Variants in NCAN observed in about 807,000 individuals in gnomAD.
NCAN encodes neurocan, also known as neurocan core protein.
In NCAN, 47 loss-of-function variants were observed where a neutral mutation model predicts 121.8. The ratio of observed to expected loss-of-function variants is 0.39; its 90% CI spans 0.31 to 0.49. The LOEUF (loss-of-function observed/expected upper bound fraction) is 0.49, where lower values mean the gene tolerates loss of function less well. NCAN is among the 20% of genes least tolerant of loss of function. The probability of loss-of-function intolerance (pLI) is 0.92; values close to 1 mark genes in which losing one functional copy is unlikely to be tolerated. For synonymous variants in NCAN, 633 were observed against 702.0 expected (o/e 0.90, Z 1.55); for missense variants, 1,517 against 1,773.4 (o/e 0.86, Z 2.60).
Position 19,219,059 on chromosome 19 carries a change from C to G in NCAN, c.218C>G (p.Ala73Gly). Residue 73 changes from alanine (A) to glycine (G), a missense_variant, in exon 3 of 15, where the codon GCC becomes GGC. Physicochemically the swap from Ala to Gly is moderately conservative, Grantham distance 60. Transcript: ENST00000252575. Reference sequence around the variant, plus strand: ...CCACGGCCAAGCGCAGCCCGAGATGCCCCTCGGATAAAGTGGACCAAGGTG... The same window carrying G: ...CCACGGCCAAGCGCAGCCCGAGATGGCCCTCGGATAAAGTGGACCAAGGTG... ...LQPRPSAARD[A>G]PRIKWTKVRT... 6.2e-7 allele frequency: 1 copy of G among 1,611,970 alleles called. No individual in the cohort carries two copies. The highest frequency in any genetic ancestry group is 8.5e-7 in the Non-Finnish European group (1 of 1,178,890).
At chr19:19,237,502 T>A (rs2313915) in intron 10 of NCAN, among the ~76,000 whole-genome samples, 139,643 of 150,342 alleles carry the variant, frequency 0.93, 64,856 homozygotes, top group African/African-American at 0.96. Flanking sequence ...AAAAAAAAAA[T>A]TTTATATATA....
intron 2 of NCAN, among the ~76,000 whole-genome samples, chr19:19,218,034 T>G (rs1368444336): frequency 1.5e-4 from 22 of 150,710 alleles, no homozygotes; most frequent in Admixed American, 1.5e-3. Context: ...ATCCCAGAAC[T>G]GTGGGAGGCC....
In NCAN at chr19:19,220,351, G is replaced by GT. The variant is rs1333313190; in HGVS notation, c.475+1042dup. On this transcript the variant is annotated intron_variant, in intron 3 of 14. Coordinates refer to ENST00000252575, the MANE Select transcript of NCAN (RefSeq NM_004386.3). ...AAAATTCCTTGTAAAATAAACTTAA[G>GT]TTTTTTTCTAAGTGAGGCAATTTTT... Among the ~76,000 whole-genome samples the GT allele has an allele frequency of 2.0e-5, 3 of 146,682 alleles. No homozygotes were observed. In the South Asian group the frequency reaches 6.6e-4, roughly 32 times the overall value.
At chr19:19,223,982 T>C in intron 3 of NCAN, 39 bp from the exon 4 acceptor site, 1 of 1,491,280 alleles carries the variant, frequency 6.7e-7, no homozygotes, top group Non-Finnish European at 9.0e-7. Context: ...GATTCCAGCA[T>C]AAGTCAACTG....
At chr19:19,246,832 G>A (rs1039260107) in intron 13 of NCAN, among the ~76,000 whole-genome samples, 6 of 152,196 alleles carry the variant, frequency 3.9e-5, no homozygotes, top group East Asian at 1.9e-4. Context: ...GTGAGCCACC[G>A]TGTCTGGCCT....
Position 19,219,113 on chromosome 19 carries a change from T to C in NCAN, c.272T>C (p.Leu91Ser). The stretch of plus-strand genomic sequence containing the variant: ...ACTGCGTCGGGCCAGCGACAGGACT[T>C]GCCCATCCTGGTGGCCAAGGACAAT... ...VRTASGQRQD[L>S]PILVAKDNVV... The change falls in exon 3 of 15, where the codon TTG becomes TCG. Residue 91 changes from leucine (L) to serine (S), a missense_variant. Leu to Ser is a moderately radical substitution (Grantham distance 145). Coordinates refer to ENST00000252575, the MANE Select transcript of NCAN (RefSeq NM_004386.3). 1 of 1,613,424 alleles carries C rather than the reference T, an allele frequency of 6.2e-7. No homozygotes were observed. Among genetic ancestry groups the C allele is most frequent in the Non-Finnish European group, 8.5e-7 (1 of 1,179,612 alleles).
intron 10 of NCAN, among the ~76,000 whole-genome samples, chr19:19,237,589 C>G: frequency 6.6e-6 from 1 of 151,950 alleles, no homozygotes; most frequent in Non-Finnish European, 1.5e-5. Flanking sequence ...TTTTCATGTG[C>G]TTGTTGGCCA....
In NCAN at chr19:19,226,870, T is replaced by C. The variant is rs763908378; in HGVS notation, c.1457T>C (p.Leu486Ser). The C allele has an allele frequency of 6.2e-7, 1 of 1,612,450 alleles. No homozygotes were observed. Among genetic ancestry groups the C allele is most frequent in the Non-Finnish European group, 8.5e-7 (1 of 1,179,534 alleles). ...AGGAGAAGGGGGCGCTTCAAAGGGT[T>C]GAATGGGCGCTACTTCCAGCAGCAG... ...MPRRRGRFKG[L>S]NGRYFQQQEP... Residue 486 changes from leucine (L) to serine (S), a missense_variant, in exon 7 of 15, where the codon TTG (leucine) becomes TCG (serine). Leu to Ser is a moderately radical substitution (Grantham distance 145, BLOSUM62 -2). Coordinates refer to ENST00000252575, the MANE Select transcript of NCAN (RefSeq NM_004386.3).
chr19:19,220,594 A>G (rs2060813120), intron 3 of NCAN, among the ~76,000 whole-genome samples: 2 of 150,918 alleles, frequency 1.3e-5, no homozygotes, highest in Non-Finnish European at 2.9e-5. Context: ...AGTAGCTGGG[A>G]CTACAGGCGC....
chr19:19,224,017 A>G lies in NCAN; in HGVS notation c.476-4A>G, dbSNP rs953804198. Reference sequence around the variant, plus strand: ...GTCCCCCCATCCTGGATGTTCCCCCACAGGTGTTGTGTTCCACTACCGATC... The same window carrying G: ...GTCCCCCCATCCTGGATGTTCCCCCGCAGGTGTTGTGTTCCACTACCGATC... On this transcript the variant is annotated splice_polypyrimidine_tract_variant and splice_region_variant and intron_variant, in intron 3 of 14. Transcript: ENST00000252575. 4 of 1,511,420 alleles carry G rather than the reference A, an allele frequency of 2.6e-6. No homozygotes were observed. The highest frequency in any genetic ancestry group is 2.8e-5 in the African/African-American group (2 of 72,014). 93.6% of individuals were successfully genotyped at this position (1,511,420 alleles called of 1,614,324 possible).
At position 19,250,253 on chromosome 19, in the gene NCAN, G is replaced by C. The variant is rs2146563593; in HGVS notation, c.*342G>C. On this transcript the variant is annotated 3_prime_UTR_variant, in exon 15 of 15. Coordinates refer to ENST00000252575, the MANE Select transcript of NCAN (RefSeq NM_004386.3). ...CAGGCCTTGATGAGGGTGCATGAGT[G>C]TATGTTTGCATTCACATGAAGGAAT... 1 of 464,474 alleles carries C rather than the reference G, an allele frequency of 2.2e-6. No individual in the cohort carries two copies. The highest frequency in any genetic ancestry group is 5.3e-5 in the East Asian group (1 of 18,766). The allele number at this position is 464,474 out of a possible 1,614,324, so 28.8% of individuals were successfully genotyped here. A position where few individuals can be genotyped will look rare whatever the true frequency, so the allele number is the denominator to read the frequency against.
rs1305655112 is a variant in NCAN at position 19,242,258 on chromosome 19, C to A, written c.3492+1573C>A. 2.6e-5 allele frequency among the ~76,000 whole-genome samples: 4 copies of A among 152,026 alleles called. No individual in the cohort carries two copies. In the East Asian group the frequency reaches 7.7e-4, roughly 29 times the overall value. ...GAAAAAGAGGCTGGGTGTGGTAGCT[C>A]ACACCTGTAATCCCAGCACTTTGGG... On this transcript the variant is annotated intron_variant, in intron 12 of 14. Coordinates refer to ENST00000252575, the MANE Select transcript of NCAN (RefSeq NM_004386.3).
intron 1 of NCAN, among the ~76,000 whole-genome samples, chr19:19,214,243 C>T (rs1357296329): frequency 6.6e-6 from 1 of 152,182 alleles, no homozygotes; most frequent in Non-Finnish European, 1.5e-5. Flanking sequence ...CACACACACA[C>T]ATTCACATGG....
chr19:19,246,495 C>T (rs556505837), intron 13 of NCAN, among the ~76,000 whole-genome samples: 1 of 152,186 alleles, frequency 6.6e-6, no homozygotes, highest in African/African-American at 2.4e-5. Flanking sequence ...TCATTGTTAT[C>T]TTAGTTTGCA....
rs2060832492 is a variant in NCAN, at chr19:19,225,402, G to GGGCCACGCCCCCGGGTGAA, written c.1072+139_1072+157dup. On this transcript the variant is annotated intron_variant, in intron 6 of 14. Coordinates refer to ENST00000252575, the MANE Select transcript of NCAN (RefSeq NM_004386.3). This position sits in a 1 kb window ranked among gnomAD's most constrained non-coding sequence, Gnocchi z 4.0. ...TGTGATAAGCCACATCCCTGGGTGAGGGCCACGCCCCCGGGTGAAGGCCAC... is the reference window on the plus strand; with the variant it reads ...TGTGATAAGCCACATCCCTGGGTGAGGGCCACGCCCCCGGGTGAAGGCCACGCCCCCGGGTGAAGGCCAC... 7.8e-6 allele frequency: 9 copies of GGGCCACGCCCCCGGGTGAA among 1,158,040 alleles called. No individual in the cohort carries two copies. The highest frequency in any genetic ancestry group is 7.0e-5 in the South Asian group (4 of 57,208). The allele number at this position is 1,158,040 out of a possible 1,614,324, so 71.7% of individuals were successfully genotyped here.
rs763719723 is a variant in NCAN, at chr19:19,219,045, C to T, written c.204C>T (p.Ser68=). The change falls in exon 3 of 15, where the codon AGC becomes AGT. Residue 68 remains serine (S), a synonymous_variant. Transcript: ENST00000252575. ...TCTTTACCCTGCAGCCACGGCCAAG[C>T]GCAGCCCGAGATGCCCCTCGGATAA... is the stretch of plus-strand genomic sequence containing the variant. The part of the protein sequence containing the change: ...PCLFTLQPRP[S]AARDAPRIKW... 6.2e-6 allele frequency: 10 copies of T among 1,611,952 alleles called. No individual in the cohort carries two copies. The highest frequency in any genetic ancestry group is 2.2e-5 in the South Asian group (2 of 90,718).
chr19:19,228,478 G>A lies in NCAN; in HGVS notation c.2858G>A (p.Trp953Ter), dbSNP rs1282025326. 6.2e-7 allele frequency: 1 copy of A among 1,613,432 alleles called. No homozygotes were observed. Among genetic ancestry groups the A allele is most frequent in the Non-Finnish European group, 8.5e-7 (1 of 1,180,018 alleles). The change falls in exon 8 of 15, where the codon TGG becomes TAG. Residue 953 changes from tryptophan to a stop codon, truncating the protein, a stop_gained. Coordinates refer to ENST00000252575, the MANE Select transcript of NCAN (RefSeq NM_004386.3). LOFTEE classifies it high-confidence loss of function. ...SVSSGEPTVP[W>*]DPSSTLLPVT... ...TCCTCAGGGGAGCCTACGGTACCGT[G>A]GGACCCCTCCAGCACCCTGCTGCCT...
At chr19:19,226,063 G>A (rs2060835562) in intron 6 of NCAN, among the ~76,000 whole-genome samples, 1 of 152,146 alleles carries the variant, frequency 6.6e-6, no homozygotes, top group African/African-American at 2.4e-5. Context: ...CGGAGTAGCT[G>A]GGACTACAGG....
intron 14 of NCAN, chr19:19,249,148 C>T (rs987597704): frequency 2.6e-6 from 1 of 380,278 alleles, no homozygotes; most frequent in Non-Finnish European, 4.8e-6. Context: ...ACAATCTCGG[C>T]TCACTGCAAC....
Sources: gnomAD v4.1 joint callset for allele counts (sites outside exome capture counted in the v4.1 genomes callset) on GRCh38, gnomAD v4.1.1 for gene constraint, Gnocchi (gnomAD v3.1) non-coding constraint, MANE v1.5 for transcripts, NCBI Gene and HGNC (gene_info 2026-07-23, HGNC 2026-07-21) for gene names.